Variants in GIPC2 observed in about 807,000 individuals in gnomAD.
GIPC2 encodes the protein GIPC PDZ domain containing family member 2, also known as PDZ domain-containing protein GIPC2.
A neutral mutation model predicts 30.6 loss-of-function variants in GIPC2; 30 were observed. The observed-to-expected ratio is 0.98, with a 90% CI of 0.73 to 1.33. The LOEUF is 1.33. GIPC2 is among the 40% of genes most tolerant of loss of function. The pLI is 0.00. For synonymous variants in GIPC2, 167 were observed against 150.0 expected (o/e 1.11, Z -0.83); for missense variants, 414 against 390.3 (o/e 1.06, Z -0.51).
chr1:78,112,942 A>T (rs1289601976), intron 3 of GIPC2, among the ~76,000 whole-genome samples: 2 of 152,220 alleles, frequency 1.3e-5, no homozygotes, highest in African/African-American at 4.8e-5. Context: ...TGATGGGTAC[A>T]CGAAAAGCCC....
chr1:78,084,511 A>C (rs1661890399), intron 2 of GIPC2, among the ~76,000 whole-genome samples: 1 of 20,996 alleles, frequency 4.8e-5, no homozygotes, highest in Admixed American at 9.6e-4. Flanking sequence ...ACTCTGTCTC[A>C]AAAAAAAAAA....
chr1:78,045,688 C>A, upstream of GIPC2: 1 of 985,470 alleles, frequency 1.0e-6, no homozygotes, highest in Non-Finnish European at 1.2e-6. Flanking sequence ...GACCCGAAGG[C>A]CTGTGGCCAA....
chr1:78,084,676 G>A (rs1331512676), intron 2 of GIPC2, among the ~76,000 whole-genome samples: 1 of 152,008 alleles, frequency 6.6e-6, no homozygotes, highest in Non-Finnish European at 1.5e-5. Flanking sequence ...GTATTCCTAG[G>A]TATTTTATTC....
chr1:78,062,759 C>T (rs143439027), intron 1 of GIPC2, among the ~76,000 whole-genome samples: 1 of 151,924 alleles, frequency 6.6e-6, no homozygotes, highest in African/African-American at 2.4e-5. Context: ...GGTGGTCCAC[C>T]CACCCAAAGT....
At chr1:78,045,826 AAGG>A, upstream of GIPC2, 3 of 1,224,310 alleles carry the variant, frequency 2.5e-6, no homozygotes, top group Non-Finnish European at 3.0e-6. Context: ...CATTTTTTAC[AAGG>A]AGTAGGGATA....
At position 78,137,504 on chromosome 1, in the gene GIPC2, A is replaced by G. The variant is rs1041763268; in HGVS notation, c.*1761A>G. 2.0e-5 allele frequency: 3 copies of G among 152,184 alleles called. No individual in the cohort carries two copies. The highest frequency in any genetic ancestry group is 4.4e-5 in the Non-Finnish European group (3 of 68,004). The allele number at this position is 152,184 out of a possible 1,614,324, so 9.4% of individuals were successfully genotyped here. A position where few individuals can be genotyped will look rare whatever the true frequency, so the allele number is the denominator to read the frequency against. The stretch of plus-strand genomic sequence containing the variant: ...CCTTCCTTTTTGGGCATGCATAAAG[A>G]CACACTTGGTGCTGATTCCATGTGA... On this transcript the variant is annotated 3_prime_UTR_variant, in exon 6 of 6. Transcript: ENST00000370759.
rs540741761 is a variant in GIPC2 at position 78,080,803 on chromosome 1, T to C, written c.369T>C (p.Ser123=). 7 of 1,610,760 alleles carry C rather than the reference T, an allele frequency of 4.3e-6. No homozygotes were observed. In the South Asian group the frequency reaches 6.6e-5, roughly 15 times the overall value. The change falls in exon 2 of 6, where the codon TCT becomes TCC. Residue 123 remains serine, a synonymous_variant. Transcript: ENST00000370759. The part of the protein sequence containing the change: ...GIEKEVNVYK[S]EDSLGLTITD... The stretch of plus-strand genomic sequence containing the variant: ...AAAAAGAAGTGAATGTGTATAAATC[T>C]GAGGATTCACTTGGTCTCACCATTA...
chr1:78,051,979 A>G (rs1024682822), intron 1 of GIPC2, among the ~76,000 whole-genome samples: 4 of 152,152 alleles, frequency 2.6e-5, no homozygotes, highest in Non-Finnish European at 4.4e-5. Context: ...TTTCTGCTCT[A>G]AACCTTTCAT....
intron 1 of GIPC2, among the ~76,000 whole-genome samples, chr1:78,069,905 A>G (rs1661585970): frequency 6.6e-6 from 1 of 152,148 alleles, no homozygotes; most frequent in Non-Finnish European, 1.5e-5. Flanking sequence ...TTCTGTCAGA[A>G]TTCCTGTTGT....
chr1:78,058,911 G>A (rs1029562456), intron 1 of GIPC2, among the ~76,000 whole-genome samples: 14 of 152,102 alleles, frequency 9.2e-5, no homozygotes, highest in African/African-American at 2.7e-4. Context: ...AACTCATAAC[G>A]TTCTGTTATA....
intron 1 of GIPC2, among the ~76,000 whole-genome samples, chr1:78,070,635 T>G (rs909925463): frequency 1.2e-4 from 19 of 152,296 alleles, no homozygotes; most frequent in African/African-American, 4.1e-4. Flanking sequence ...TTCTTTATCC[T>G]TTTCTTATGT....
intron 1 of GIPC2, among the ~76,000 whole-genome samples, chr1:78,049,598 ACT>A (rs771512921): frequency 2.6e-5 from 4 of 152,054 alleles, no homozygotes; most frequent in Non-Finnish European, 5.9e-5. Flanking sequence ...AGAGCTAGCC[ACT>A]CTTTATTGAG....
intron 2 of GIPC2, among the ~76,000 whole-genome samples, chr1:78,083,889 C>G (rs574305558): frequency 6.6e-6 from 1 of 152,278 alleles, no homozygotes; most frequent in South Asian, 2.1e-4. Flanking sequence ...TATTCTAGAC[C>G]CATCTTGTAT....
intron 4 of GIPC2, 34 bp from the exon 5 acceptor site, chr1:78,125,847 G>T (rs767711147): frequency 3.0e-5 from 35 of 1,154,846 alleles, no homozygotes; most frequent in Admixed American, 1.7e-5. Context: ...AGATTTTGTT[G>T]TATAATATCT....
At chr1:78,067,554 C>T (rs940080280) in intron 1 of GIPC2, among the ~76,000 whole-genome samples, 2 of 152,026 alleles carry the variant, frequency 1.3e-5, no homozygotes, top group Non-Finnish European at 2.9e-5. Flanking sequence ...CTAGTTCAAG[C>T]GATTCTCCCA....
At chr1:78,067,653 A>G (rs1321111237) in intron 1 of GIPC2, among the ~76,000 whole-genome samples, 2 of 152,058 alleles carry the variant, frequency 1.3e-5, no homozygotes, top group African/African-American at 2.4e-5. Flanking sequence ...GGGTTTCACC[A>G]TGTTGGCCAT....
At position 78,072,389 on chromosome 1, in the gene GIPC2, G is replaced by A. The variant is rs1012813796; in HGVS notation, c.241-8286G>A. Among the ~76,000 whole-genome samples, 4 of 152,200 alleles carry A rather than the reference G, an allele frequency of 2.6e-5. No individual in the cohort carries two copies. In the South Asian group the frequency reaches 6.2e-4, roughly 24 times the overall value. On this transcript the variant is annotated intron_variant, in intron 1 of 5. Transcript: ENST00000370759. ...TGCATATAATTGAAGACTAGTTTGA[G>A]TTCTAGAAGTTCCTTGATATGACAC...
intron 1 of GIPC2, among the ~76,000 whole-genome samples, chr1:78,063,702 T>A (rs1442645617): frequency 6.6e-6 from 1 of 151,972 alleles, no homozygotes; most frequent in Non-Finnish European, 1.5e-5. Flanking sequence ...CTGGCCAACA[T>A]GGTGAAACCC....
chr1:78,056,330 T>C (rs918951187), intron 1 of GIPC2, among the ~76,000 whole-genome samples: 1 of 151,810 alleles, frequency 6.6e-6, no homozygotes, highest in Admixed American at 6.6e-5. Flanking sequence ...ACAAACAAAT[T>C]AGCTGGGAAT....
Sources: gnomAD v4.1 joint callset for allele counts (sites outside exome capture counted in the v4.1 genomes callset) on GRCh38, gnomAD v4.1.1 for gene constraint, MANE v1.5 for transcripts, NCBI Gene and HGNC (gene_info 2026-07-23, HGNC 2026-07-21) for gene names.